The following MLIP variants were observed in gnomAD, a reference collection of about 807,000 sequenced individuals.
MLIP encodes the protein muscular LMNA-interacting protein.
Under a neutral mutation model 84.8 loss-of-function variants are expected in MLIP, and 79 were observed. That is an observed-to-expected ratio of 0.93 (90% CI 0.78 to 1.12). The LOEUF is 1.12. Ranked by LOEUF, MLIP falls within the 50% of genes most tolerant of loss-of-function variation. The probability of loss-of-function intolerance (pLI) is 0.00; values close to 1 mark genes in which losing one functional copy is unlikely to be tolerated. For missense variants in MLIP, 1,257 were observed against 1,160.6 expected (o/e 1.08, Z -1.21); for synonymous variants, 504 against 463.0 (o/e 1.09, Z -1.14).
intron 1 of MLIP, among the ~76,000 whole-genome samples, chr6:54,088,728 A>T (rs577187329): frequency 1.3e-5 from 2 of 152,340 alleles, no homozygotes; most frequent in South Asian, 4.1e-4. Context: ...CAGGTGATCC[A>T]TTAGGGTATG....
chr6:54,216,844 T>C, intron 11 of MLIP: 1 of 985,348 alleles, frequency 1.0e-6, no homozygotes, highest in Non-Finnish European at 1.2e-6. Flanking sequence ...ATAATCACAA[T>C]CTCTTATTTC....
At chr6:54,047,148 T>C (rs1765108405) in intron 1 of MLIP, 1 of 152,160 alleles carries the variant, frequency 6.6e-6, no homozygotes, top group African/African-American at 2.4e-5. Flanking sequence ...GAAACTTTGT[T>C]TGAGGCAGGT....
rs1290755546 is a variant in MLIP, at chr6:54,124,759, G to A, written c.539G>A (p.Ser180Asn). The change falls in exon 3 of 14, where the codon AGT (serine) becomes AAT (asparagine). Residue 180 changes from serine (S) to asparagine (N), a missense_variant. Coordinates refer to ENST00000502396, the MANE Select transcript of MLIP (RefSeq NM_001281747.2). ...CCCAAGTCTCTAGCTATCTCGTCCA[G>A]TCTGGTCTCTGATGTAGTGCGTCCC... ...VRPKSLAISS[S>N]LVSDVVRPKT... 8.1e-6 allele frequency: 13 copies of A among 1,614,090 alleles called. No individual in the cohort carries two copies. The highest frequency in any genetic ancestry group is 4.0e-5 in the African/African-American group (3 of 74,934).
At chr6:54,141,312 CTT>C (rs376576497) in intron 4 of MLIP, among the ~76,000 whole-genome samples, 4 of 128,352 alleles carry the variant, frequency 3.1e-5, no homozygotes, top group Admixed American at 8.2e-5. Context: ...CTCAGCCTGC[CTT>C]TTTTTTTTTT....
At chr6:54,076,355 C>A (rs1366973805) in intron 1 of MLIP, among the ~76,000 whole-genome samples, 1 of 152,138 alleles carries the variant, frequency 6.6e-6, no homozygotes. Flanking sequence ...AACATGTAGA[C>A]CCAATTCAAA....
intron 1 of MLIP, among the ~76,000 whole-genome samples, chr6:54,091,546 G>A (rs981826168): frequency 6.6e-6 from 1 of 152,134 alleles, no homozygotes; most frequent in African/African-American, 2.4e-5. Flanking sequence ...ACTTAGTCTT[G>A]CCTATAGGAT....
At chr6:54,185,743 G>A (rs957571734) in intron 9 of MLIP, among the ~76,000 whole-genome samples, 2 of 151,722 alleles carry the variant, frequency 1.3e-5, no homozygotes, top group Admixed American at 1.3e-4. Context: ...TTAACTTAGG[G>A]GATCAATAGA....
At chr6:54,181,117 G>T (rs80303908) in intron 9 of MLIP, among the ~76,000 whole-genome samples, 10 of 152,098 alleles carry the variant, frequency 6.6e-5, no homozygotes, top group African/African-American at 9.7e-5. Context: ...CAGGCCCTCC[G>T]CGGTTCCACA....
chr6:54,225,997 G>C (rs1482728727), intron 11 of MLIP, among the ~76,000 whole-genome samples: 1 of 152,182 alleles, frequency 6.6e-6, no homozygotes, highest in African/African-American at 2.4e-5. Flanking sequence ...TCCTAGGCTG[G>C]CCAGGGAGAA....
At chr6:54,114,713 T>C (rs1769760484) in intron 1 of MLIP, among the ~76,000 whole-genome samples, 1 of 152,222 alleles carries the variant, frequency 6.6e-6, no homozygotes, top group Non-Finnish European at 1.5e-5. Context: ...CACTAGAATA[T>C]AAACTCCATG....
Position 54,111,538 on chromosome 6 carries a change from CG to C in MLIP, c.60del (p.Cys21AlafsTer23), listed in dbSNP as rs1582167300. 1 of 1,535,984 alleles carries C rather than the reference CG, an allele frequency of 6.5e-7. No homozygotes were observed. The highest frequency in any genetic ancestry group is 8.7e-7 in the Non-Finnish European group (1 of 1,146,860). On this transcript the variant is annotated frameshift_variant, in exon 1 of 14. Coordinates refer to ENST00000502396, the MANE Select transcript of MLIP (RefSeq NM_001281747.2). LOFTEE classifies it high-confidence loss of function. ...GGGAACAATTACTTCCAAATGACCTCGTGCATCTTATCAGGGAGCATTCAGA... is the reference window on the plus strand; with the variant it reads ...GGGAACAATTACTTCCAAATGACCTCTGCATCTTATCAGGGAGCATTCAGA... ...DCGNNYFQMT[S>X]CILSGSIQTT... is the part of the protein sequence containing the mutation.
At chr6:54,178,303 C>A (rs1776506419) in intron 9 of MLIP, among the ~76,000 whole-genome samples, 2 of 152,004 alleles carry the variant, frequency 1.3e-5, no homozygotes, top group African/African-American at 4.8e-5. Context: ...TGTTTCTTCC[C>A]TTTTTTTCTT....
At chr6:54,117,069 C>T (rs951618239) in intron 1 of MLIP, among the ~76,000 whole-genome samples, 1 of 152,114 alleles carries the variant, frequency 6.6e-6, no homozygotes, top group Admixed American at 6.5e-5. Context: ...AAGCTCTCAA[C>T]AAATTAGGTA....
At chr6:54,141,721 A>G (rs1485299013) in intron 4 of MLIP, among the ~76,000 whole-genome samples, 1 of 152,166 alleles carries the variant, frequency 6.6e-6, no homozygotes, top group Non-Finnish European at 1.5e-5. Context: ...TTCTGCCTTC[A>G]TTTATAAAAG....
chr6:54,134,150 A>T (rs1407078701), intron 3 of MLIP, among the ~76,000 whole-genome samples: 1 of 152,148 alleles, frequency 6.6e-6, no homozygotes, highest in East Asian at 1.9e-4. Context: ...GGGATCACTA[A>T]TAAGGGATTT....
intron 11 of MLIP, among the ~76,000 whole-genome samples, chr6:54,207,399 T>A (rs1276964402): frequency 6.8e-6 from 1 of 147,482 alleles, no homozygotes; most frequent in Non-Finnish European, 1.5e-5. Context: ...AGAATTTCCA[T>A]CACCTCTGCA....
At chr6:54,110,215 C>A (rs1267031353), upstream of MLIP, among the ~76,000 whole-genome samples, 1 of 151,972 alleles carries the variant, frequency 6.6e-6, no homozygotes, top group Non-Finnish European at 1.5e-5. Flanking sequence ...GATCTCCTGA[C>A]CTTGTGGTCC....
chr6:54,045,382 A>G (rs556284948), intron 1 of MLIP: 5 of 152,008 alleles, frequency 3.3e-5, no homozygotes, highest in African/African-American at 9.6e-5. Flanking sequence ...ATGGTGATGC[A>G]CCATGCATGA....
At chr6:54,102,659 T>C (rs1322262716) in intron 1 of MLIP, among the ~76,000 whole-genome samples, 2 of 152,166 alleles carry the variant, frequency 1.3e-5, no homozygotes, top group South Asian at 2.1e-4. Flanking sequence ...ATCCCTCCTG[T>C]CCTCTCTGAA....
Sources: gnomAD v4.1 joint callset for allele counts (sites outside exome capture counted in the v4.1 genomes callset) on GRCh38, gnomAD v4.1.1 for gene constraint, MANE v1.5 for transcripts, NCBI Gene and HGNC (gene_info 2026-07-23, HGNC 2026-07-21) for gene names.